ECE1: variants seen among roughly 807,000 people sequenced by gnomAD.
ECE1 encodes the protein endothelin-converting enzyme 1.
Under a neutral mutation model 98.6 loss-of-function variants are expected in ECE1, and 35 were observed. That is an observed-to-expected ratio of 0.35 (90% CI 0.27 to 0.47). The LOEUF is 0.47. ECE1 is among the 20% of genes least tolerant of loss of function. ECE1 has a pLI of 1.00. For synonymous variants in ECE1, 394 were observed against 407.1 expected (o/e 0.97, Z 0.39); for missense variants, 814 against 1,025.3 (o/e 0.79, Z 2.81).
At chr1:21,305,810 A>G (rs1425288548) in intron 1 of ECE1, among the ~76,000 whole-genome samples, 1 of 152,194 alleles carries the variant, frequency 6.6e-6, no homozygotes, top group African/African-American at 2.4e-5. Flanking sequence ...CTGGAATCTG[A>G]GCTGGAAAAC....
rs532414482 is a variant in ECE1 at position 21,314,559 on chromosome 1, C to G, written c.4-24403G>C. Among the ~76,000 whole-genome samples, 8 of 152,358 alleles carry G rather than the reference C, an allele frequency of 5.3e-5. No homozygotes were observed. In the South Asian group the frequency reaches 1.4e-3, roughly 28 times the overall value. On this transcript the variant is annotated intron_variant, in intron 1 of 18. Transcript: ENST00000415912. Reference sequence around the variant, plus strand: ...TACTAGGTATGTCCCCAGCCCCTTGCCAAGCTGGGTGACCCCTTTCCTAAC... The same window carrying G: ...TACTAGGTATGTCCCCAGCCCCTTGGCAAGCTGGGTGACCCCTTTCCTAAC...
rs963024451 is a variant in ECE1, at chr1:21,245,208, C to T, written c.1164-105G>A. On this transcript the variant is annotated intron_variant, in intron 9 of 18. Transcript: ENST00000374893. Reference sequence around the variant, plus strand: ...GGGCTCTCAAACTTGGCCTGTGACCCCAGGCCCCTTCCAGCCTGCGGGGGC... The same window carrying T: ...GGGCTCTCAAACTTGGCCTGTGACCTCAGGCCCCTTCCAGCCTGCGGGGGC... 17 of 952,408 alleles carry T rather than the reference C, an allele frequency of 1.8e-5. 1 individual carries two copies. Among genetic ancestry groups the T allele is most frequent in the East Asian group, 1.6e-4 (6 of 38,430 alleles). 59.0% of individuals were successfully genotyped at this position (952,408 alleles called of 1,614,324 possible).
chr1:21,244,584 G>C (rs1328890016), intron 10 of ECE1, among the ~76,000 whole-genome samples: 2 of 152,182 alleles, frequency 1.3e-5, no homozygotes, highest in African/African-American at 4.8e-5. Flanking sequence ...ACCTGGCCTG[G>C]GGTTTCCCAG....
chr1:21,341,046 C>A (rs988970899), intron 1 of ECE1, among the ~76,000 whole-genome samples: 22 of 152,080 alleles, frequency 1.4e-4, no homozygotes, highest in Admixed American at 1.4e-3. Context: ...CCCCCGCCCC[C>A]CAACACTCTT....
rs2098241824 is a variant in ECE1, at chr1:21,272,809, T to C, written c.383A>G (p.Tyr128Cys). ...TVDPCHDFFS[Y>C]ACGGWIKANP... ...GGCCTTGATCCAGCCCCCACAGGCG[T>C]AGCTGAAGAAGTCATGGCAGGGGTC... Residue 128 changes from tyrosine (Y) to cysteine (C), a missense_variant, in exon 4 of 19, where the codon TAC becomes TGC. By Grantham distance (194) the Tyr-to-Cys change is radical (BLOSUM62 -2). Transcript: ENST00000374893. The C allele has an allele frequency of 6.2e-7, 1 of 1,614,252 alleles. No homozygotes were observed. The highest frequency in any genetic ancestry group is 1.3e-5 in the African/African-American group (1 of 75,068).
intron 1 of ECE1, among the ~76,000 whole-genome samples, chr1:21,318,603 T>G (rs146553031): frequency 2.1e-4 from 32 of 152,092 alleles, no homozygotes; most frequent in African/African-American, 7.2e-4. Flanking sequence ...AAAATCCCAT[T>G]TTTTGAAGAT....
At chr1:21,270,044 G>T (rs2098238378) in intron 4 of ECE1, among the ~76,000 whole-genome samples, 1 of 152,194 alleles carries the variant, frequency 6.6e-6, no homozygotes, top group South Asian at 2.1e-4. Context: ...GAACCAGTCA[G>T]ACCAGAACCC....
At chr1:21,301,164 G>A (rs1387616045) in intron 1 of ECE1, among the ~76,000 whole-genome samples, 2 of 152,152 alleles carry the variant, frequency 1.3e-5, no homozygotes, top group Non-Finnish European at 2.9e-5. Context: ...GCTTCCCTAG[G>A]CTGGCTTGGG....
At chr1:21,246,421 C>T (rs1162891268) in intron 9 of ECE1, among the ~76,000 whole-genome samples, 2 of 149,014 alleles carry the variant, frequency 1.3e-5, no homozygotes, top group Non-Finnish European at 3.0e-5. Flanking sequence ...ATCATTTAAA[C>T]CTGGGAAGCA....
chr1:21,282,570 A>G (rs1459028360), intron 2 of ECE1, among the ~76,000 whole-genome samples: 2 of 148,964 alleles, frequency 1.3e-5, no homozygotes, highest in African/African-American at 5.0e-5. Context: ...CCTGGGTGAC[A>G]GAGTGAGACG....
rs1382984257 is a variant in ECE1, at chr1:21,340,813, C to A, written c.3+4563G>T. Among the ~76,000 whole-genome samples, 1 of 152,152 alleles carries A rather than the reference C, an allele frequency of 6.6e-6. No individual in the cohort carries two copies. Among genetic ancestry groups the A allele is most frequent in the Non-Finnish European group, 1.5e-5 (1 of 68,034 alleles). ...GCACCACTGCACTCAGCCTGGGTGA[C>A]AGAGCAAGACTATGTCTCAATAAAT... On this transcript the variant is annotated intron_variant, in intron 1 of 18. Coordinates refer to the ECE1 transcript ENST00000415912. The surrounding 1 kb of genome is among the most constrained non-coding windows in gnomAD (Gnocchi z 4.6).
chr1:21,335,199 T>A (rs1255264316), intron 1 of ECE1, among the ~76,000 whole-genome samples: 1 of 148,850 alleles, frequency 6.7e-6, no homozygotes, highest in Non-Finnish European at 1.5e-5. Flanking sequence ...GGCTGCCCCC[T>A]CCTCAACCTT....
Position 21,260,214 on chromosome 1 carries a change from G to A in ECE1, c.615+57C>T. On this transcript the variant is annotated intron_variant, in intron 5 of 18. Transcript: ENST00000374893. The surrounding 1 kb of genome is among the most constrained non-coding windows in gnomAD (Gnocchi z 4.3). ...TACCAGAAGGCTGGAGTGGAAGCCAGGGGGCGGGCAGGTGGCATGGGCCGG... is the reference window on the plus strand; with the variant it reads ...TACCAGAAGGCTGGAGTGGAAGCCAAGGGGCGGGCAGGTGGCATGGGCCGG... 1 of 1,611,754 alleles carries A rather than the reference G, an allele frequency of 6.2e-7. No individual in the cohort carries two copies. Among genetic ancestry groups the A allele is most frequent in the East Asian group, 2.2e-5 (1 of 44,872 alleles).
intron 1 of ECE1, among the ~76,000 whole-genome samples, chr1:21,344,658 C>T (rs1639463144): frequency 6.6e-6 from 1 of 152,164 alleles, no homozygotes; most frequent in South Asian, 2.1e-4. Context: ...TCCCCAGTTC[C>T]CTTTCTCCCT....
At chr1:21,264,221 C>T (rs1027254548) in intron 4 of ECE1, among the ~76,000 whole-genome samples, 1 of 151,972 alleles carries the variant, frequency 6.6e-6, no homozygotes, top group Non-Finnish European at 1.5e-5. Flanking sequence ...CTCTATGAGA[C>T]ACCCAAGGGG....
intron 4 of ECE1, among the ~76,000 whole-genome samples, chr1:21,264,318 C>CA (rs1491477507): frequency 7.1e-6 from 1 of 141,768 alleles, no homozygotes; most frequent in Non-Finnish European, 1.5e-5. Context: ...TTCCCCCCCC[C>CA]CCTTTTTTTT....
chr1:21,315,788 T>TC (rs1638818479), intron 1 of ECE1, among the ~76,000 whole-genome samples: 1 of 93,540 alleles, frequency 1.1e-5, no homozygotes, highest in Non-Finnish European at 2.0e-5. Flanking sequence ...AGACTCTGTC[T>TC]CAAAAAAAAA....
chr1:21,338,491 C>T (rs1446744338), intron 1 of ECE1, among the ~76,000 whole-genome samples: 1 of 152,202 alleles, frequency 6.6e-6, no homozygotes, highest in Non-Finnish European at 1.5e-5. Flanking sequence ...AGGTGCCTTG[C>T]CCCAAGTCTC....
At position 21,345,386 on chromosome 1, in the gene ECE1, G is replaced by C; in HGVS notation, c.-8C>G. The C allele has an allele frequency of 7.5e-7, 1 of 1,340,698 alleles. No homozygotes were observed. The highest frequency in any genetic ancestry group is 9.7e-7 in the Non-Finnish European group (1 of 1,035,770). The allele number at this position is 1,340,698 out of a possible 1,614,324, so 83.1% of individuals were successfully genotyped here. A position where few individuals can be genotyped will look rare whatever the true frequency, so the allele number is the denominator to read the frequency against. On this transcript the variant is annotated 5_prime_UTR_variant, in exon 1 of 19. Transcript: ENST00000415912. The surrounding 1 kb of genome is among the most constrained non-coding windows in gnomAD (Gnocchi z 5.1). Reference sequence around the variant, plus strand: ...GCGCGCAGCACTCACCATAGCTCGCGTGCTCCGCCCCGGCTTCGCGCAGCT... The same window carrying C: ...GCGCGCAGCACTCACCATAGCTCGCCTGCTCCGCCCCGGCTTCGCGCAGCT...
Sources: allele counts gnomAD v4.1 joint callset (sites outside exome capture counted in the v4.1 genomes callset), GRCh38; gene constraint gnomAD v4.1.1; non-coding constraint Gnocchi (gnomAD v3.1); transcripts MANE v1.5; gene names NCBI Gene and HGNC (gene_info 2026-07-23, HGNC 2026-07-21).